Variants in CNTN5 observed in about 807,000 individuals in gnomAD.
The protein encoded by CNTN5 is contactin 5.
CNTN5 carries 77 observed loss-of-function variants against 129.1 expected under a neutral mutation model. That is an observed-to-expected ratio of 0.60 (90% CI 0.50 to 0.72). The LOEUF is 0.72. Among genes scored for constraint, CNTN5 ranks in the 30% least tolerant of loss-of-function variants. The pLI is 0.00. For synonymous variants in CNTN5, 509 were observed against 465.6 expected (o/e 1.09, Z -1.20); for missense variants, 1,478 against 1,328.8 (o/e 1.11, Z -1.75).
At chr11:100,281,316 C>G (rs888581934) in intron 18 of CNTN5, among the ~76,000 whole-genome samples, 8 of 151,944 alleles carry the variant, frequency 5.3e-5, no homozygotes, top group Non-Finnish European at 8.8e-5. Flanking sequence ...GTCTGGGAAG[C>G]CTTTATTTCT....
rs372227264 is a variant in CNTN5, at chr11:99,508,864, A to G, written c.-70-47281A>G. On this transcript the variant is annotated intron_variant, in intron 2 of 24. Transcript: ENST00000524871. ...GCCCGGCTAATTTTTTATTTTTAGT[A>G]GAGACGGGGTTTCACCAGATTGGCC... is the stretch of plus-strand genomic sequence containing the variant. 6.1e-4 allele frequency among the ~76,000 whole-genome samples: 93 copies of G among 152,082 alleles called. 5 individuals are homozygous for G. In the South Asian group the frequency reaches 0.019, roughly 31 times the overall value.
intron 16 of CNTN5, among the ~76,000 whole-genome samples, chr11:100,241,732 C>T (rs1166930206): frequency 6.6e-6 from 1 of 152,034 alleles, no homozygotes; most frequent in African/African-American, 2.4e-5. Context: ...TTTGCTTTTG[C>T]TTACAATGCA....
intron 2 of CNTN5, among the ~76,000 whole-genome samples, chr11:99,490,291 A>C (rs968712278): frequency 6.6e-6 from 1 of 152,196 alleles, no homozygotes; most frequent in African/African-American, 2.4e-5. Flanking sequence ...CATCATTTGG[A>C]CATTAAGTTA....
chr11:99,990,191 A>G (rs1277055675), intron 8 of CNTN5, among the ~76,000 whole-genome samples: 1 of 152,136 alleles, frequency 6.6e-6, no homozygotes, highest in Non-Finnish European at 1.5e-5. Context: ...GAGCCCTCAA[A>G]TGATGGTGGA....
chr11:99,493,752 C>G (rs1235390395), intron 2 of CNTN5, among the ~76,000 whole-genome samples: 1 of 152,116 alleles, frequency 6.6e-6, no homozygotes, highest in Non-Finnish European at 1.5e-5. Context: ...GTCATTTGAG[C>G]AAACGATTGG....
chr11:100,104,438 A>G (rs894812963), intron 13 of CNTN5, among the ~76,000 whole-genome samples: 7 of 152,078 alleles, frequency 4.6e-5, no homozygotes, highest in African/African-American at 1.7e-4. Flanking sequence ...ATTAGGTACT[A>G]TAAGCAGCAA....
At chr11:100,239,800 A>G (rs1387572106) in intron 16 of CNTN5, among the ~76,000 whole-genome samples, 1 of 152,208 alleles carries the variant, frequency 6.6e-6, no homozygotes, top group African/African-American at 2.4e-5. Flanking sequence ...CAAGTTACAT[A>G]GGGTAATTAT....
intron 9 of CNTN5, among the ~76,000 whole-genome samples, chr11:100,040,192 G>A (rs1942286941): frequency 6.6e-6 from 1 of 152,188 alleles, no homozygotes; most frequent in African/African-American, 2.4e-5. Flanking sequence ...CTAACAGACA[G>A]GACCTTCAGC....
At chr11:99,479,409 G>T (rs1945504055) in intron 2 of CNTN5, among the ~76,000 whole-genome samples, 1 of 151,622 alleles carries the variant, frequency 6.6e-6, no homozygotes, top group Non-Finnish European at 1.5e-5. Flanking sequence ...CCCTTTGACT[G>T]GTTTTACTTA....
At chr11:99,747,829 T>G (rs532668038) in intron 3 of CNTN5, among the ~76,000 whole-genome samples, 13 of 152,278 alleles carry the variant, frequency 8.5e-5, no homozygotes, top group African/African-American at 2.9e-4. Context: ...CATCATTGAG[T>G]GTGATATTAG....
At chr11:99,701,903 TTTC>T (rs1435699249) in intron 3 of CNTN5, among the ~76,000 whole-genome samples, 1 of 151,062 alleles carries the variant, frequency 6.6e-6, no homozygotes, top group East Asian at 1.9e-4. Flanking sequence ...TTACTCCTAA[TTTC>T]TTCATACAGT....
At chr11:99,777,704 G>T (rs189926443) in intron 3 of CNTN5, among the ~76,000 whole-genome samples, 2 of 151,640 alleles carry the variant, frequency 1.3e-5, no homozygotes, top group African/African-American at 4.8e-5. Context: ...TGAGTGCTCC[G>T]CAAACCTCAG....
chr11:99,658,971 C>T (rs528838925), intron 3 of CNTN5, among the ~76,000 whole-genome samples: 2 of 151,806 alleles, frequency 1.3e-5, no homozygotes, highest in Non-Finnish European at 2.9e-5. Flanking sequence ...GATCAATCTC[C>T]TACACAACAT....
At chr11:100,095,042 G>T (rs1219055900) in intron 13 of CNTN5, among the ~76,000 whole-genome samples, 1 of 152,046 alleles carries the variant, frequency 6.6e-6, no homozygotes, top group Non-Finnish European at 1.5e-5. Flanking sequence ...AGTGAACTGA[G>T]TATTTTAGGA....
chr11:99,954,313 C>A (rs1037876495), intron 7 of CNTN5, among the ~76,000 whole-genome samples: 2 of 151,996 alleles, frequency 1.3e-5, no homozygotes, highest in Admixed American at 6.6e-5. Context: ...AGAATCAGAC[C>A]AAGAACTTCT....
intron 3 of CNTN5, among the ~76,000 whole-genome samples, chr11:99,628,259 G>A (rs1370842692): frequency 6.6e-6 from 1 of 151,904 alleles, no homozygotes; most frequent in Non-Finnish European, 1.5e-5. Flanking sequence ...GACCCATCTA[G>A]AAATTTCATT....
intron 3 of CNTN5, among the ~76,000 whole-genome samples, chr11:99,714,358 T>G (rs547760305): frequency 6.6e-6 from 1 of 152,044 alleles, no homozygotes; most frequent in East Asian, 1.9e-4. Flanking sequence ...AGCTTTAATT[T>G]TCACTGGCTG....
At chr11:99,746,178 C>T (rs1944050815) in intron 3 of CNTN5, among the ~76,000 whole-genome samples, 1 of 152,178 alleles carries the variant, frequency 6.6e-6, no homozygotes, top group African/African-American at 2.4e-5. Context: ...ATTTTTTTCC[C>T]TACATTTTCT....
chr11:99,069,753 C>T (rs1388399437), intron 1 of CNTN5, among the ~76,000 whole-genome samples: 5 of 152,116 alleles, frequency 3.3e-5, no homozygotes, highest in East Asian at 1.9e-4. Flanking sequence ...TTTTACATAC[C>T]GGGTCTTTAT....
Sources: gnomAD v4.1 joint callset for allele counts (sites outside exome capture counted in the v4.1 genomes callset) on GRCh38, gnomAD v4.1.1 for gene constraint, MANE v1.5 for transcripts, NCBI Gene and HGNC (gene_info 2026-07-23, HGNC 2026-07-21) for gene names.